The following CNTN5 variants were observed in gnomAD, a reference collection of about 807,000 sequenced individuals.
CNTN5 encodes contactin 5, also known as contactin-5.
Under a neutral mutation model 129.1 loss-of-function variants are expected in CNTN5, and 77 were observed. That is an observed-to-expected ratio of 0.60 (90% CI 0.50 to 0.72). The LOEUF (loss-of-function observed/expected upper bound fraction) is 0.72. Among genes scored for constraint, CNTN5 ranks in the 30% least tolerant of loss-of-function variants. The pLI is 0.00. For missense variants in CNTN5, 1,478 were observed against 1,328.8 expected (o/e 1.11, Z -1.75); for synonymous variants, 509 against 465.6 (o/e 1.09, Z -1.20).
intron 3 of CNTN5, among the ~76,000 whole-genome samples, chr11:99,743,534 A>C (rs530093845): frequency 6.6e-6 from 1 of 152,252 alleles, no homozygotes; most frequent in African/African-American, 2.4e-5. Context: ...AATTACATGA[A>C]GTACATATAA....
At chr11:100,209,440 TAA>T (rs1271845154) in intron 15 of CNTN5, among the ~76,000 whole-genome samples, 1 of 152,254 alleles carries the variant, frequency 6.6e-6, no homozygotes, top group Non-Finnish European at 1.5e-5. Flanking sequence ...TTAATCTGGT[TAA>T]AGAGAGTCAT....
intron 2 of CNTN5, among the ~76,000 whole-genome samples, chr11:99,439,398 G>A (rs1331055798): frequency 6.6e-6 from 1 of 151,874 alleles, no homozygotes; most frequent in Non-Finnish European, 1.5e-5. Context: ...ACACAAATGG[G>A]CTAAATACTT....
chr11:100,044,609 G>A (rs1942567428), intron 9 of CNTN5, among the ~76,000 whole-genome samples: 1 of 150,724 alleles, frequency 6.6e-6, no homozygotes, highest in South Asian at 2.1e-4. Flanking sequence ...TATGCTTTTG[G>A]CCATTTTTGT....
chr11:99,515,046 G>A (rs1946994867), intron 2 of CNTN5, among the ~76,000 whole-genome samples: 2 of 151,974 alleles, frequency 1.3e-5, no homozygotes, highest in South Asian at 4.1e-4. Context: ...GGCATAAAAT[G>A]TATAATCATA....
chr11:99,110,669 G>C (rs1336178999), intron 1 of CNTN5, among the ~76,000 whole-genome samples: 4 of 152,128 alleles, frequency 2.6e-5, no homozygotes, highest in East Asian at 1.9e-4. Flanking sequence ...AATTACTCTA[G>C]AAGCTTTTAT....
At chr11:99,994,044 G>T (rs534316065) in intron 8 of CNTN5, among the ~76,000 whole-genome samples, 3 of 152,152 alleles carry the variant, frequency 2.0e-5, no homozygotes, top group South Asian at 2.1e-4. Flanking sequence ...TGAGGCTTAA[G>T]AATGCCTTTG....
chr11:100,325,185 A>G (rs1353528184), intron 21 of CNTN5, among the ~76,000 whole-genome samples: 1 of 152,176 alleles, frequency 6.6e-6, no homozygotes, highest in Non-Finnish European at 1.5e-5. Context: ...TAGATGCTGT[A>G]TAAGACAGGA....
chr11:99,571,892 G>A (rs1949186431), intron 3 of CNTN5, among the ~76,000 whole-genome samples: 1 of 152,072 alleles, frequency 6.6e-6, no homozygotes, highest in African/African-American at 2.4e-5. Flanking sequence ...CATTGTAAAT[G>A]ACATAAAGCA....
At chr11:100,264,941 G>A (rs1393634650) in intron 17 of CNTN5, among the ~76,000 whole-genome samples, 1 of 152,134 alleles carries the variant, frequency 6.6e-6, no homozygotes, top group Admixed American at 6.6e-5. Flanking sequence ...GGCATGAGAT[G>A]GTATCTCATT....
chr11:99,920,096 G>A (rs1465756571), intron 7 of CNTN5, among the ~76,000 whole-genome samples: 3 of 152,076 alleles, frequency 2.0e-5, no homozygotes, highest in Non-Finnish European at 4.4e-5. Context: ...TTATATTGCT[G>A]AGTAGTATTT....
intron 2 of CNTN5, among the ~76,000 whole-genome samples, chr11:99,402,739 A>T (rs748923586): frequency 3.3e-5 from 5 of 152,048 alleles, no homozygotes; most frequent in Non-Finnish European, 7.4e-5. Context: ...TACAGCTCTG[A>T]TCTTGTTAAT....
At chr11:99,222,588 A>C (rs1429749860) in intron 1 of CNTN5, among the ~76,000 whole-genome samples, 1 of 152,136 alleles carries the variant, frequency 6.6e-6, no homozygotes, top group Non-Finnish European at 1.5e-5. Flanking sequence ...TCAAAGCAGC[A>C]TAGCATTTTT....
rs781363668 is a variant in CNTN5, at chr11:100,234,792, TAAAA to T, written c.2005+10002_2005+10005del. 2.7e-4 allele frequency among the ~76,000 whole-genome samples: 28 copies of T among 102,068 alleles called. 1 individual carries two copies. The highest frequency in any genetic ancestry group is 1.1e-3 in the Admixed American group (10 of 8,824). The allele number at this position is 102,068 out of a possible 152,430, so 67.0% of individuals were successfully genotyped here. A position where few individuals can be genotyped will look rare whatever the true frequency, so the allele number is the denominator to read the frequency against. On this transcript the variant is annotated intron_variant, in intron 16 of 24. Coordinates refer to ENST00000524871, the MANE Select transcript of CNTN5 (RefSeq NM_014361.4). ...CATTCTGCACATGTATCCCAGAATT[TAAAA>T]AAAAAAAAAAAAAAAAAAAAAGAAG... is the stretch of plus-strand genomic sequence containing the variant.
intron 3 of CNTN5, among the ~76,000 whole-genome samples, chr11:99,809,593 A>C (rs945599840): frequency 6.6e-6 from 1 of 152,166 alleles, no homozygotes. Flanking sequence ...GAATTGAATG[A>C]GTACACCCAC....
intron 4 of CNTN5, 70 bp downstream of exon 4, chr11:99,819,835 A>G: frequency 2.1e-6 from 1 of 482,072 alleles, no homozygotes; most frequent in Non-Finnish European, 2.9e-6. Context: ...ATACTGTTGC[A>G]ACAGAGATCA....
chr11:100,032,894 T>G (rs1941793149), intron 9 of CNTN5, among the ~76,000 whole-genome samples: 1 of 152,168 alleles, frequency 6.6e-6, no homozygotes, highest in South Asian at 2.1e-4. Context: ...CAGCTTCAGT[T>G]CCATTATTTT....
intron 21 of CNTN5, among the ~76,000 whole-genome samples, chr11:100,328,272 C>G (rs1951829878): frequency 6.6e-6 from 1 of 152,106 alleles, no homozygotes; most frequent in Non-Finnish European, 1.5e-5. Context: ...GGGAGGATCA[C>G]TCTAGCCTAG....
rs377622276 is a variant in CNTN5, at chr11:99,629,412, TC to T, written c.55+73144del. ...AACCATTGTTTGAGGTCTTTACTCT[TC>T]TGGAACAGACATTTTCTCAGGATCT... On this transcript the variant is annotated intron_variant, in intron 3 of 24. Coordinates refer to ENST00000524871, the MANE Select transcript of CNTN5 (RefSeq NM_014361.4). Among the ~76,000 whole-genome samples, 228 of 152,146 alleles carry T rather than the reference TC, an allele frequency of 1.5e-3. 1 individual carries two copies. Among genetic ancestry groups the T allele is most frequent in the African/African-American group, 5.3e-3 (219 of 41,576 alleles).
At chr11:99,045,664 A>T (rs2135154559) in intron 1 of CNTN5, among the ~76,000 whole-genome samples, 1 of 152,356 alleles carries the variant, frequency 6.6e-6, no homozygotes, top group South Asian at 2.1e-4. Context: ...GCCAGATAGA[A>T]GTATCATTAC....
Sources: allele counts gnomAD v4.1 joint callset (sites outside exome capture counted in the v4.1 genomes callset), GRCh38; gene constraint gnomAD v4.1.1; transcripts MANE v1.5; gene names NCBI Gene and HGNC (gene_info 2026-07-23, HGNC 2026-07-21).